ALPK2: variants seen among roughly 807,000 people sequenced by gnomAD.
ALPK2 encodes the protein alpha-protein kinase 2.
Under a neutral mutation model 163.1 loss-of-function variants are expected in ALPK2, and 127 were observed. That is an observed-to-expected ratio of 0.78 (90% CI 0.67 to 0.90). The LOEUF is 0.90. Among genes scored for constraint, ALPK2 ranks in the 40% least tolerant of loss-of-function variants. ALPK2 has a pLI of 0.00. For missense variants in ALPK2, 2,360 were observed against 2,589.6 expected (o/e 0.91, Z 1.92); for synonymous variants, 953 against 959.1 (o/e 0.99, Z 0.12).
In ALPK2 at chr18:58,515,097, A is replaced by G. The variant is rs2051514355; in HGVS notation, c.5941-16T>C. On this transcript the variant is annotated splice_polypyrimidine_tract_variant and intron_variant, in intron 9 of 12. Transcript: ENST00000361673. ...CATAGCATTCCTATATCGCCAAAAT[A>G]CATAGAAAGCCCCAGTGACTACAGG... 6.3e-7 allele frequency: 1 copy of G among 1,595,004 alleles called. No individual in the cohort carries two copies.
At chr18:58,543,256 A>C (rs1602210032) in intron 4 of ALPK2, 2 of 702,418 alleles carry the variant, frequency 2.8e-6, no homozygotes, top group South Asian at 6.4e-5. Context: ...CTCAGTCTCC[A>C]GAGCTGTAAG....
chr18:58,485,739 C>T (rs1461309316), intron 12 of ALPK2, among the ~76,000 whole-genome samples: 2 of 152,198 alleles, frequency 1.3e-5, no homozygotes, highest in Admixed American at 6.5e-5. Flanking sequence ...CCTGGTGAGA[C>T]GCAGGGCCTG....
At chr18:58,573,632 T>TTTTC in intron 4 of ALPK2, among the ~76,000 whole-genome samples, 1 of 142,762 alleles carries the variant, frequency 7.0e-6, no homozygotes, top group South Asian at 2.3e-4. Context: ...TTTTTTTTTT[T>TTTTC]TTTTTAGTAT....
rs551975392 is a variant in ALPK2 at position 58,511,206 on chromosome 18, T to C, written c.6029+3787A>G. Among the ~76,000 whole-genome samples the C allele has an allele frequency of 2.0e-5, 3 of 152,342 alleles. No homozygotes were observed. The South Asian group carries it at 6.2e-4, about 32-fold the overall frequency. On this transcript the variant is annotated intron_variant, in intron 10 of 12. Transcript: ENST00000361673. The stretch of plus-strand genomic sequence containing the variant: ...ATTATGTTTATTGATTTGCATATGT[T>C]GAACCAGCCTTGCATCCCAGGGATG...
chr18:58,624,106 G>A (rs931628868), intron 1 of ALPK2, among the ~76,000 whole-genome samples: 4 of 152,142 alleles, frequency 2.6e-5, no homozygotes, highest in African/African-American at 4.8e-5. Flanking sequence ...GCTCTGATTG[G>A]TCTAAACTGT....
intron 8 of ALPK2, among the ~76,000 whole-genome samples, chr18:58,518,186 T>C (rs1240431458): frequency 6.6e-6 from 1 of 152,198 alleles, no homozygotes; most frequent in Non-Finnish European, 1.5e-5. Flanking sequence ...TGAAAAATCT[T>C]ACTTCACATT....
Position 58,481,845 on chromosome 18 carries a change from G to T in ALPK2, c.6491C>A (p.Thr2164Asn). The change falls in exon 13 of 13, where the codon ACC (threonine) becomes AAC (asparagine). Residue 2164 changes from threonine (T) to asparagine (N), a missense_variant. Thr to Asn is a moderately conservative substitution (Grantham distance 65). Transcript: ENST00000361673. ...ACGTTAGGTTTTCTTTTCGCCTGGGGTCTCAGGCCCTGCCTTCTTTATTGT... is the reference window on the plus strand; with the variant it reads ...ACGTTAGGTTTTCTTTTCGCCTGGGTTCTCAGGCCCTGCCTTCTTTATTGT... The part of the protein sequence containing the change: ...SMTIKKAGPE[T>N]PGEKKT 6.2e-7 allele frequency: 1 copy of T among 1,614,134 alleles called. No homozygotes were observed. Among genetic ancestry groups the T allele is most frequent in the Non-Finnish European group, 8.5e-7 (1 of 1,180,006 alleles).
At position 58,593,587 on chromosome 18, in the gene ALPK2, G is replaced by C. The variant is rs865808798; in HGVS notation, c.228-13039C>G. ...TCAAAAAAAAAAAAAAAAAAAAAAA[G>C]GCAAAAAAGACCGGGTGCAGTGGCT... On this transcript the variant is annotated intron_variant, in intron 3 of 12. Coordinates refer to ENST00000361673, the MANE Select transcript of ALPK2 (RefSeq NM_052947.4). 5.1e-5 allele frequency among the ~76,000 whole-genome samples: 5 copies of C among 98,144 alleles called. No individual in the cohort carries two copies. In the South Asian group the frequency reaches 1.6e-3, roughly 31 times the overall value. The allele number at this position is 98,144 out of a possible 152,430, so 64.4% of individuals were successfully genotyped here.
At chr18:58,624,027 T>C (rs7230129) in intron 1 of ALPK2, among the ~76,000 whole-genome samples, 5,561 of 152,262 alleles carry the variant, frequency 0.037, 315 homozygotes, top group African/African-American at 0.13. Flanking sequence ...GTCCTCCTAA[T>C]CAAGCCTCTT....
At chr18:58,597,227 T>A (rs543711086) in intron 3 of ALPK2, among the ~76,000 whole-genome samples, 9 of 151,912 alleles carry the variant, frequency 5.9e-5, no homozygotes, top group African/African-American at 1.7e-4. Context: ...GAGGTGGAGG[T>A]TGCAGTGAGC....
intron 12 of ALPK2, among the ~76,000 whole-genome samples, chr18:58,488,417 A>T (rs1420214022): frequency 6.8e-6 from 1 of 147,462 alleles, no homozygotes; most frequent in East Asian, 2.0e-4. Flanking sequence ...TCACCAACTG[A>T]TAGCAGCAGG....
chr18:58,482,029 AT>A lies in ALPK2; in HGVS notation c.6306del (p.Phe2103LeufsTer7). ...GIATLAKGYK[G>X]FKGNCSMTFI... ...AAGGTCATGGAACAGTTGCCTTTAA[AT>A]CCCTTGTACCTGTGAGTTTGGGTGG... is the stretch of plus-strand genomic sequence containing the variant. On this transcript the variant is annotated frameshift_variant, in exon 13 of 13. Coordinates refer to ENST00000361673, the MANE Select transcript of ALPK2 (RefSeq NM_052947.4). LOFTEE classifies it high-confidence loss of function. 1 of 1,613,734 alleles carries A rather than the reference AT, an allele frequency of 6.2e-7. No homozygotes were observed. The highest frequency in any genetic ancestry group is 1.1e-5 in the South Asian group (1 of 91,058).
intron 11 of ALPK2, among the ~76,000 whole-genome samples, chr18:58,501,382 G>C (rs2051430653): frequency 6.6e-6 from 1 of 152,206 alleles, no homozygotes; most frequent in Admixed American, 6.5e-5. Context: ...TGTCTGTTAA[G>C]ACCATATGTT....
intron 4 of ALPK2, among the ~76,000 whole-genome samples, chr18:58,553,033 C>A (rs1262606028): frequency 6.6e-6 from 1 of 152,022 alleles, no homozygotes; most frequent in Non-Finnish European, 1.5e-5. Flanking sequence ...GGAAGAAGGC[C>A]ATGTGATGAT....
Position 58,535,819 on chromosome 18 carries a change from A to G in ALPK2, c.4368T>C (p.Cys1456=). ...EIQPAILQVP[C]LQGTILSENR... ...TTTCACTCAGAATGGTTCCCTGGAG[A>G]CATGGAACTTGCAAAATGGCCGGCT... The change falls in exon 5 of 13, where the codon TGT becomes TGC. Residue 1456 remains cysteine (C), a synonymous_variant. Transcript: ENST00000361673. 6.2e-7 allele frequency: 1 copy of G among 1,614,096 alleles called. No individual in the cohort carries two copies. The highest frequency in any genetic ancestry group is 8.5e-7 in the Non-Finnish European group (1 of 1,180,006).
Position 58,579,407 on chromosome 18 carries a change from C to T in ALPK2, c.1369G>A (p.Ala457Thr), listed in dbSNP as rs200533766. ...ATTCCTGGATAATCATTTTCAGCAGCCTCGGGAGCAGTGGGGAGTTTATAT... is the reference window on the plus strand; with the variant it reads ...ATTCCTGGATAATCATTTTCAGCAGTCTCGGGAGCAGTGGGGAGTTTATAT... ...GRYKLPTAPE[A>T]AENDYPGIQG... is the part of the protein sequence containing the mutation. The change falls in exon 4 of 13, where the codon GCT (alanine) becomes ACT (threonine). Residue 457 changes from alanine to threonine, a missense_variant. Ala to Thr is a moderately conservative substitution (Grantham distance 58). Coordinates refer to ENST00000361673, the MANE Select transcript of ALPK2 (RefSeq NM_052947.4). The T allele has an allele frequency of 1.9e-6, 3 of 1,614,170 alleles. No individual in the cohort carries two copies. Among genetic ancestry groups the T allele is most frequent in the Non-Finnish European group, 1.7e-6 (2 of 1,180,022 alleles).
At chr18:58,614,441 A>G (rs2052153273) in intron 1 of ALPK2, among the ~76,000 whole-genome samples, 2 of 152,226 alleles carry the variant, frequency 1.3e-5, no homozygotes, top group South Asian at 4.1e-4. Context: ...TCCGGTTCAT[A>G]CATGTGGTAT....
chr18:58,535,676 A>G lies in ALPK2; in HGVS notation c.4511T>C (p.Ile1504Thr), dbSNP rs2051641329. The change falls in exon 5 of 13, where the codon ATT becomes ACT. Residue 1504 changes from isoleucine to threonine, a missense_variant. Coordinates refer to ENST00000361673, the MANE Select transcript of ALPK2 (RefSeq NM_052947.4). ...VLQPSEGGERIPSGCSIGQIQ... is the reference protein window; with the variant it reads ...VLQPSEGGERTPSGCSIGQIQ... ...TTGGCCTATGCTACATCCACTTGGA[A>G]TTCTTTCACCGCCTTCGCTGGGTTG... The G allele has an allele frequency of 6.2e-7, 1 of 1,614,116 alleles. No individual in the cohort carries two copies. The highest frequency in any genetic ancestry group is 8.5e-7 in the Non-Finnish European group (1 of 1,180,038).
intron 4 of ALPK2, among the ~76,000 whole-genome samples, chr18:58,569,743 A>G (rs2051875451): frequency 6.6e-6 from 1 of 152,242 alleles, no homozygotes; most frequent in South Asian, 2.1e-4. Flanking sequence ...GATTAAAAAG[A>G]AAACAAATGT....
Sources: gnomAD v4.1 joint callset for allele counts (sites outside exome capture counted in the v4.1 genomes callset) on GRCh38, gnomAD v4.1.1 for gene constraint, MANE v1.5 for transcripts, NCBI Gene and HGNC (gene_info 2026-07-23, HGNC 2026-07-21) for gene names.